PCDH15: variants seen among roughly 807,000 people sequenced by gnomAD.
PCDH15 encodes the protein protocadherin related 15.
PCDH15 carries 129 observed loss-of-function variants against 178.5 expected under a neutral mutation model. That is an observed-to-expected ratio of 0.72 (90% confidence interval 0.63 to 0.84). The LOEUF (loss-of-function observed/expected upper bound fraction) is 0.84. Ranked by LOEUF, PCDH15 falls within the 40% of genes least tolerant of loss-of-function variation. The probability of loss-of-function intolerance (pLI) is 0.00; values close to 1 mark genes in which losing one functional copy is unlikely to be tolerated. For synonymous variants in PCDH15, 800 were observed against 732.0 expected (o/e 1.09, Z -1.50); for missense variants, 2,230 against 2,099.9 (o/e 1.06, Z -1.21).
At chr10:54,462,680 ATTTTTTTTTTTTTTT>A (rs767750465) in intron 3 of PCDH15, among the ~76,000 whole-genome samples, 9 of 56,234 alleles carry the variant, frequency 1.6e-4, no homozygotes, top group East Asian at 6.3e-4. Context: ...CACCTGCTTA[ATTTTTTTTTTTTTTT>A]TTTTTTTTTT....
At chr10:54,063,885 G>A (rs1300380809) in intron 18 of PCDH15, among the ~76,000 whole-genome samples, 1 of 152,150 alleles carries the variant, frequency 6.6e-6, no homozygotes. Context: ...GAGCACCCGC[G>A]TCTGGATGAG....
At chr10:55,598,895 C>A (rs1015173503) in intron 2 of PCDH15, among the ~76,000 whole-genome samples, 2 of 151,970 alleles carry the variant, frequency 1.3e-5, no homozygotes, top group African/African-American at 4.8e-5. Context: ...CCAAAGCACT[C>A]GGCTTACACC....
chr10:54,580,354 A>C (rs909360790), intron 2 of PCDH15, among the ~76,000 whole-genome samples: 2 of 152,062 alleles, frequency 1.3e-5, no homozygotes, highest in Non-Finnish European at 2.9e-5. Flanking sequence ...ACACGAACTA[A>C]AAAATCTAGA....
At chr10:55,005,563 T>C (rs1839909179) in intron 2 of PCDH15, among the ~76,000 whole-genome samples, 1 of 152,120 alleles carries the variant, frequency 6.6e-6, no homozygotes, top group Non-Finnish European at 1.5e-5. Flanking sequence ...TCTTTTATTA[T>C]CTCATAGATT....
At chr10:53,875,451 GAATAC>G (rs2080163479) in intron 26 of PCDH15, among the ~76,000 whole-genome samples, 1 of 151,884 alleles carries the variant, frequency 6.6e-6, no homozygotes, top group African/African-American at 2.4e-5. Flanking sequence ...AACGCTAAAT[GAATAC>G]AATTTACTAA....
At chr10:55,515,190 T>C (rs1299116675) in intron 2 of PCDH15, among the ~76,000 whole-genome samples, 1 of 151,902 alleles carries the variant, frequency 6.6e-6, no homozygotes, top group Non-Finnish European at 1.5e-5. Context: ...GGTTTCATCA[T>C]GTTGGCCAGG....
chr10:54,621,870 T>C (rs1250438530), intron 2 of PCDH15, among the ~76,000 whole-genome samples: 5 of 152,008 alleles, frequency 3.3e-5, no homozygotes, highest in Non-Finnish European at 7.4e-5. Context: ...AGCGATGTTG[T>C]AAAGGGGAAG....
At chr10:55,526,944 A>G (rs1589111342) in intron 2 of PCDH15, among the ~76,000 whole-genome samples, 1 of 152,066 alleles carries the variant, frequency 6.6e-6, no homozygotes, top group African/African-American at 2.4e-5. Context: ...ACAAATCTGT[A>G]TCAGTTGTCT....
intron 1 of PCDH15, among the ~76,000 whole-genome samples, chr10:54,702,439 G>GA (rs1206142248): frequency 7.3e-6 from 1 of 136,950 alleles, no homozygotes; most frequent in Non-Finnish European, 1.6e-5. Flanking sequence ...TTGTTTCTTT[G>GA]AAAAAATAAA....
rs182132847 is a variant in PCDH15 at position 55,246,465 on chromosome 10, A to G, written c.-156+73134T>C. 1.1e-4 allele frequency among the ~76,000 whole-genome samples: 16 copies of G among 152,328 alleles called. No individual in the cohort carries two copies. In the East Asian group the frequency reaches 2.5e-3, roughly 24 times the overall value. On this transcript the variant is annotated intron_variant, in intron 1 of 5. Transcript: ENST00000458638. The stretch of plus-strand genomic sequence containing the variant: ...GCCTAAGTGGAAAGGCTCAAGTTGC[A>G]AAAGAATAATGAATAATATAACAAC...
At chr10:53,984,614 T>A (rs1468438330) in intron 21 of PCDH15, among the ~76,000 whole-genome samples, 1 of 152,202 alleles carries the variant, frequency 6.6e-6, no homozygotes, top group Non-Finnish European at 1.5e-5. Flanking sequence ...GAATTTTTAT[T>A]GTGTTTGGAT....
chr10:54,663,689 T>TC (rs1555134776), intron 2 of PCDH15, among the ~76,000 whole-genome samples: 11 of 114,404 alleles, frequency 9.6e-5, no homozygotes, highest in African/African-American at 3.2e-4. Flanking sequence ...TTTCTATTCT[T>TC]CCCAAAAAAA....
chr10:54,419,087 C>A (rs2135776868), intron 3 of PCDH15, among the ~76,000 whole-genome samples: 1 of 151,960 alleles, frequency 6.6e-6, no homozygotes, highest in East Asian at 1.9e-4. Flanking sequence ...AACTGATAAT[C>A]TCCCAAGGGA....
chr10:54,349,846 A>G (rs995884632), intron 5 of PCDH15, among the ~76,000 whole-genome samples: 1 of 152,200 alleles, frequency 6.6e-6, no homozygotes, highest in African/African-American at 2.4e-5. Flanking sequence ...TCCAAAGAGT[A>G]ATTCAATTTC....
chr10:53,991,268 G>C lies in PCDH15; in HGVS notation c.2868+4381C>G, dbSNP rs189125597. ...TGGGATCCACTAGCCAAAGCCAGCT[G>C]GGCTCCTGAGTCTGGTGGGGACTTG... is the stretch of plus-strand genomic sequence containing the variant. On this transcript the variant is annotated intron_variant, in intron 21 of 37. Transcript: ENST00000644397. 1.3e-3 allele frequency among the ~76,000 whole-genome samples: 192 copies of C among 152,318 alleles called. 1 individual carries two copies. The highest frequency in any genetic ancestry group is 4.4e-3 in the African/African-American group (182 of 41,558).
At chr10:54,371,864 T>C (rs1035418718) in intron 4 of PCDH15, among the ~76,000 whole-genome samples, 1 of 151,802 alleles carries the variant, frequency 6.6e-6, no homozygotes, top group Non-Finnish European at 1.5e-5. Flanking sequence ...TGTCTTTGTA[T>C]AAAATAAAGA....
At chr10:54,872,928 A>T (rs896244717) in intron 3 of PCDH15, among the ~76,000 whole-genome samples, 1 of 152,092 alleles carries the variant, frequency 6.6e-6, no homozygotes, top group African/African-American at 2.4e-5. Flanking sequence ...GTGTTGAGGC[A>T]CCAAACCAAG....
At chr10:54,367,153 G>C (rs1249565637) in intron 5 of PCDH15, among the ~76,000 whole-genome samples, 1 of 152,044 alleles carries the variant, frequency 6.6e-6, no homozygotes, top group African/African-American at 2.4e-5. Flanking sequence ...GGCTAAGAAA[G>C]GGAGATATTT....
rs772767611 is a variant in PCDH15 at position 54,133,000 on chromosome 10, T to C, written c.1792A>G (p.Ile598Val). ...AGCACTTCAATATACACAGTGCAGA[T>C]GGAGTTCCTGCAGAGAAAGAGAGGA... ...NAPPAERRNS[I>V]CTVYIEVLPP... Residue 598 changes from isoleucine to valine, a missense_variant, in exon 15 of 38, where the codon ATC (isoleucine) becomes GTC (valine). Physicochemically the swap from Ile to Val is conservative, Grantham distance 29. Coordinates refer to ENST00000644397, the MANE Select transcript of PCDH15 (RefSeq NM_001384140.1). 1 of 1,613,916 alleles carries C rather than the reference T, an allele frequency of 6.2e-7. No homozygotes were observed. Among genetic ancestry groups the C allele is most frequent in the Non-Finnish European group, 8.5e-7 (1 of 1,179,962 alleles).
Sources: gnomAD v4.1 joint callset for allele counts (sites outside exome capture counted in the v4.1 genomes callset) on GRCh38, gnomAD v4.1.1 for gene constraint, MANE v1.5 for transcripts, NCBI Gene and HGNC (gene_info 2026-07-23, HGNC 2026-07-21) for gene names.